The following C8A variants were observed in gnomAD, a reference collection of about 807,000 sequenced individuals.
C8A encodes complement component C8 alpha chain.
In C8A, 67 loss-of-function variants were observed where a neutral mutation model predicts 65.3. That is an observed-to-expected ratio of 1.03 (90% confidence interval 0.84 to 1.26). C8A has a LOEUF of 1.26. Among genes scored for constraint, C8A ranks in the 50% most tolerant of loss-of-function variants. The probability of loss-of-function intolerance (pLI) is 0.00; values close to 1 mark genes in which losing one functional copy is unlikely to be tolerated. For missense variants in C8A, 781 were observed against 723.9 expected, an observed-to-expected ratio of 1.08 and a Z score of -0.90; for synonymous variants, 290 against 259.4, an observed-to-expected ratio of 1.12 and a Z score of -1.13.
intron 7 of C8A, among the ~76,000 whole-genome samples, chr1:56,898,326 A>G (rs1015779456): frequency 1.3e-5 from 2 of 152,080 alleles, no homozygotes; most frequent in African/African-American, 2.4e-5. Context: ...CAAGGTGAAC[A>G]CTGAAAGCAA....
At chr1:56,885,295 TATTTATATATATTTAC>T (rs1644281235) in intron 6 of C8A, among the ~76,000 whole-genome samples, 2 of 133,056 alleles carry the variant, frequency 1.5e-5, no homozygotes, top group Non-Finnish European at 3.1e-5. Context: ...CATAAATATA[TATTTATATATATTTAC>T]ATAAATATAT....
Position 56,906,651 on chromosome 1 carries a change from T to C in C8A, c.1097-16T>C, listed in dbSNP as rs762265718. The C allele has an allele frequency of 5.0e-6, 8 of 1,613,912 alleles. No homozygotes were observed. In the East Asian group the frequency reaches 1.6e-4, roughly 31 times the overall value. On this transcript the variant is annotated splice_polypyrimidine_tract_variant and intron_variant, in intron 7 of 10. Transcript: ENST00000361249. Reference sequence around the variant, plus strand: ...AATAACTCAGCATTTTGTGTTTCTCTGTCTCCCTGTTGCAGGTATTACCAG... The same window carrying C: ...AATAACTCAGCATTTTGTGTTTCTCCGTCTCCCTGTTGCAGGTATTACCAG...
At position 56,881,676 on chromosome 1, in the gene C8A, G is replaced by C. The variant is rs779283646; in HGVS notation, c.654+42G>C. On this transcript the variant is annotated intron_variant, in intron 5 of 10. Transcript: ENST00000361249. ...GGGCTCTGAGGCCACTGTGGTGTAGGTGGCAGAGAGGCAGAGGCCTATTTG... is the reference window on the plus strand; with the variant it reads ...GGGCTCTGAGGCCACTGTGGTGTAGCTGGCAGAGAGGCAGAGGCCTATTTG... 25 of 1,572,964 alleles carry C rather than the reference G, an allele frequency of 1.6e-5. 1 individual carries two copies. The South Asian group carries it at 2.8e-4, about 17-fold the overall frequency.
At chr1:56,856,175 T>C (rs1246999815) in intron 1 of C8A, among the ~76,000 whole-genome samples, 1 of 152,152 alleles carries the variant, frequency 6.6e-6, no homozygotes, top group Non-Finnish European at 1.5e-5. Flanking sequence ...TCTTTGTATC[T>C]AATGCCAGTG....
Position 56,917,806 on chromosome 1 carries a change from T to C in C8A, c.*90T>C. ...AAGACTTCTTTCAACTAAGAGAAGA[T>C]GCAAATCAGCACACTTTTTTCTTTG... On this transcript the variant is annotated 3_prime_UTR_variant, in exon 11 of 11. Transcript: ENST00000361249. The C allele has an allele frequency of 6.6e-7, 1 of 1,503,762 alleles. No individual in the cohort carries two copies. The highest frequency in any genetic ancestry group is 1.8e-5 in the Admixed American group (1 of 56,960). 93.2% of individuals were successfully genotyped at this position (1,503,762 alleles called of 1,614,324 possible).
chr1:56,887,183 A>G lies in C8A; in HGVS notation c.1096+1016A>G, dbSNP rs376886417. 2.8e-3 allele frequency among the ~76,000 whole-genome samples: 419 copies of G among 152,286 alleles called. 29 individuals carry two copies. In the South Asian group the frequency reaches 0.08, roughly 29 times the overall value. On this transcript the variant is annotated intron_variant, in intron 7 of 10. Transcript: ENST00000361249. Reference sequence around the variant, plus strand: ...TCCTTTTCTTCAACACATACATAAAATTCCACACTAGGTAGTCTTTAAAAA... The same window carrying G: ...TCCTTTTCTTCAACACATACATAAAGTTCCACACTAGGTAGTCTTTAAAAA...
chr1:56,870,258 A>T (rs1008928273), intron 2 of C8A, among the ~76,000 whole-genome samples: 1 of 151,828 alleles, frequency 6.6e-6, no homozygotes, highest in Admixed American at 6.6e-5. Context: ...GCTAGAAGGG[A>T]CTCTGTTACT....
intron 7 of C8A, among the ~76,000 whole-genome samples, chr1:56,897,025 G>A (rs61766988): frequency 0.046 from 6,930 of 152,276 alleles, 220 homozygotes; most frequent in Non-Finnish European, 0.073. Context: ...GAGGCAGGGC[G>A]AGGTTTGAAA....
At chr1:56,913,090 C>T (rs139834527) in intron 10 of C8A, among the ~76,000 whole-genome samples, 8 of 152,254 alleles carry the variant, frequency 5.3e-5, no homozygotes, top group East Asian at 3.9e-4. Context: ...TGGCATTTCT[C>T]GGCTTATAGA....
intron 7 of C8A, among the ~76,000 whole-genome samples, chr1:56,894,450 T>C (rs1644373102): frequency 6.6e-6 from 1 of 152,148 alleles, no homozygotes; most frequent in African/African-American, 2.4e-5. Context: ...GTGTGTGCTT[T>C]CCATCATCCC....
intron 1 of C8A, among the ~76,000 whole-genome samples, chr1:56,860,140 A>C (rs1161368759): frequency 6.6e-6 from 1 of 152,210 alleles, no homozygotes; most frequent in Non-Finnish European, 1.5e-5. Context: ...AGGATATCAG[A>C]GCAATCTAAA....
In C8A at chr1:56,876,224, A is replaced by T; in HGVS notation, c.464+15A>T. The stretch of plus-strand genomic sequence containing the variant: ...GCAGCCTTGGGGTGAGGCCCTGCCT[A>T]CTAGCTATTTAGGAGCAGGGAATGA... On this transcript the variant is annotated intron_variant, in intron 4 of 10. Transcript: ENST00000361249. 6.2e-7 allele frequency: 1 copy of T among 1,613,586 alleles called. No individual in the cohort carries two copies.
intron 7 of C8A, 38 bp downstream of exon 7, chr1:56,886,205 C>A: frequency 6.2e-7 from 1 of 1,612,222 alleles, no homozygotes; most frequent in Non-Finnish European, 8.5e-7. Context: ...CAGTAGTCAA[C>A]ACAGACACCA....
At chr1:56,874,816 A>G in intron 2 of C8A, 133 bp from the exon 3 acceptor site, 1 of 1,019,260 alleles carries the variant, frequency 9.8e-7, no homozygotes, top group Non-Finnish European at 1.5e-6. Flanking sequence ...TCATCCCTCA[A>G]AAGACAGCTT....
At position 56,876,857 on chromosome 1, in the gene C8A, C is replaced by T. The variant is rs138659387; in HGVS notation, c.464+648C>T. Among the ~76,000 whole-genome samples the T allele has an allele frequency of 3.9e-5, 6 of 152,210 alleles. No individual in the cohort carries two copies. In the East Asian group the frequency reaches 7.7e-4, roughly 20 times the overall value. On this transcript the variant is annotated intron_variant, in intron 4 of 10. Transcript: ENST00000361249. ...TCAATATTCCTGGAATATTCTTTCCCGAATTCCTACCTGGGTAACTCCTCA... is the reference window on the plus strand; with the variant it reads ...TCAATATTCCTGGAATATTCTTTCCTGAATTCCTACCTGGGTAACTCCTCA...
At chr1:56,870,919 C>A (rs1003130041) in intron 2 of C8A, among the ~76,000 whole-genome samples, 2 of 151,954 alleles carry the variant, frequency 1.3e-5, no homozygotes, top group Non-Finnish European at 2.9e-5. Flanking sequence ...CATTATCTAC[C>A]AGTTAGAAAA....
intron 2 of C8A, 136 bp from the exon 3 acceptor site, chr1:56,874,812 CT>C: frequency 1.0e-6 from 1 of 984,062 alleles, no homozygotes. Context: ...ATATTCATCC[CT>C]CAAAAGACAG....
intron 2 of C8A, among the ~76,000 whole-genome samples, chr1:56,871,119 G>A (rs1429658876): frequency 6.6e-6 from 1 of 152,188 alleles, no homozygotes; most frequent in African/African-American, 2.4e-5. Context: ...TAGGAAGGAT[G>A]ACAATGGCAA....
intron 9 of C8A, among the ~76,000 whole-genome samples, chr1:56,910,163 A>C (rs1741989): frequency 0.1 from 15,602 of 152,152 alleles, 1,251 homozygotes; most frequent in African/African-American, 0.22. Context: ...ACTTGCATAT[A>C]CCCCAGAGTT....
Sources: gnomAD v4.1 joint callset for allele counts (sites outside exome capture counted in the v4.1 genomes callset) on GRCh38, gnomAD v4.1.1 for gene constraint, MANE v1.5 for transcripts, NCBI Gene and HGNC (gene_info 2026-07-23, HGNC 2026-07-21) for gene names.